ABCE1: variants seen among roughly 807,000 people sequenced by gnomAD.
ABCE1 encodes the protein ATP-binding cassette sub-family E member 1.
ABCE1 carries 22 observed loss-of-function variants against 83.4 expected under a neutral mutation model. The observed-to-expected ratio is 0.26, with a 90% CI of 0.19 to 0.38. ABCE1 has a LOEUF of 0.38. ABCE1 is among the 10% of genes least tolerant of loss of function. The pLI is 1.00. For missense variants in ABCE1, 330 were observed against 721.9 expected (o/e 0.46, Z 6.22); for synonymous variants, 204 against 233.7 (o/e 0.87, Z 1.16).
At chr4:145,116,016 A>G (rs1292791915) in intron 9 of ABCE1, among the ~76,000 whole-genome samples, 1 of 151,972 alleles carries the variant, frequency 6.6e-6, no homozygotes, top group Non-Finnish European at 1.5e-5. Flanking sequence ...GCTCATTTGC[A>G]TATTAGGAAA....
chr4:145,110,544 C>G, intron 7 of ABCE1, 100 bp downstream of exon 7: 1 of 1,124,438 alleles, frequency 8.9e-7, no homozygotes, highest in Middle Eastern at 2.9e-4. Flanking sequence ...GATGCAACCT[C>G]TGCTTACCAC....
Position 145,110,362 on chromosome 4 carries a change from T to G in ABCE1, c.544-13T>G. ...GAAAGAAAATAGTAACTGTTTTTGG[T>G]ATATTGTGGCAGGGGACAGTGGGAT... On this transcript the variant is annotated splice_polypyrimidine_tract_variant and intron_variant, in intron 6 of 17. Coordinates refer to ENST00000296577, the MANE Select transcript of ABCE1 (RefSeq NM_002940.3). 6.2e-7 allele frequency: 1 copy of G among 1,611,510 alleles called. No homozygotes were observed. Among genetic ancestry groups the G allele is most frequent in the Non-Finnish European group, 8.5e-7 (1 of 1,179,228 alleles).
Position 145,109,197 on chromosome 4 carries a change from C to G in ABCE1, c.353C>G (p.Thr118Ser). Reference protein sequence around the residue: ...LVGTNGIGKSTALKILAGKQK... With the variant: ...LVGTNGIGKSSALKILAGKQK... ...GGAACTAATGGTATTGGAAAGTCAACTGCTTTAAAAATTTTAGCAGGAAAA... is the reference window on the plus strand; with the variant it reads ...GGAACTAATGGTATTGGAAAGTCAAGTGCTTTAAAAATTTTAGCAGGAAAA... Residue 118 changes from threonine (T) to serine (S), a missense_variant, in exon 5 of 18, where the codon ACT becomes AGT. Thr to Ser is a moderately conservative substitution (Grantham distance 58, BLOSUM62 1). Transcript: ENST00000296577. 6.2e-7 allele frequency: 1 copy of G among 1,612,942 alleles called. No homozygotes were observed. Among genetic ancestry groups the G allele is most frequent in the Admixed American group, 1.7e-5 (1 of 59,818 alleles).
intron 2 of ABCE1, among the ~76,000 whole-genome samples, chr4:145,105,014 A>G (rs1749258284): frequency 6.6e-6 from 1 of 152,074 alleles, no homozygotes; most frequent in South Asian, 2.1e-4. Flanking sequence ...GTTAAGGGCT[A>G]TGTTAAGTAA....
At position 145,110,967 on chromosome 4, in the gene ABCE1, G is replaced by C; in HGVS notation, c.614-1G>C. 1 of 1,605,574 alleles carries C rather than the reference G, an allele frequency of 6.2e-7. No individual in the cohort carries two copies. On this transcript the variant is annotated splice_acceptor_variant, in intron 7 of 17. Transcript: ENST00000296577. LOFTEE classifies it high-confidence loss of function. ...GCACAATGCCTCTATGTTCTTTGTAGATTTAACCCACCTAAAAGAACGAAA... is the reference window on the plus strand; with the variant it reads ...GCACAATGCCTCTATGTTCTTTGTACATTTAACCCACCTAAAAGAACGAAA...
At chr4:145,114,599 G>C (rs1175232468) in intron 9 of ABCE1, among the ~76,000 whole-genome samples, 2 of 151,742 alleles carry the variant, frequency 1.3e-5, no homozygotes, top group Non-Finnish European at 2.9e-5. Flanking sequence ...AAAATTAAAA[G>C]ATCAGTAACT....
At chr4:145,125,238 C>G in intron 17 of ABCE1, 137 bp downstream of exon 17, 1 of 576,264 alleles carries the variant, frequency 1.7e-6, no homozygotes, top group Non-Finnish European at 3.0e-6. Flanking sequence ...GAGGCCAAGG[C>G]AGGCAGATCA....
At chr4:145,100,349 T>C (rs951650212) in intron 1 of ABCE1, among the ~76,000 whole-genome samples, 9 of 152,232 alleles carry the variant, frequency 5.9e-5, no homozygotes, top group African/African-American at 2.2e-4. Context: ...TCCCTGTGTC[T>C]TTTTAAAAAA....
intron 3 of ABCE1, among the ~76,000 whole-genome samples, chr4:145,106,165 T>G (rs1203754816): frequency 6.6e-6 from 1 of 152,020 alleles, no homozygotes. Context: ...TTGAATAGTT[T>G]GATTAGGCTT....
At chr4:145,118,833 A>G (rs1317519337) in intron 10 of ABCE1, among the ~76,000 whole-genome samples, 4 of 151,900 alleles carry the variant, frequency 2.6e-5, no homozygotes, top group African/African-American at 7.2e-5. Flanking sequence ...GTTTGAACTC[A>G]TTTTTAAATT....
chr4:145,126,455 G>A (rs1040580503), intron 17 of ABCE1, among the ~76,000 whole-genome samples: 7 of 151,938 alleles, frequency 4.6e-5, no homozygotes, highest in Non-Finnish European at 8.8e-5. Flanking sequence ...CACCACACCC[G>A]ACTAATTTTC....
At position 145,103,766 on chromosome 4, in the gene ABCE1, G is replaced by GTT. The variant is rs4148236; in HGVS notation, c.-27-606_-27-605dup. Among the ~76,000 whole-genome samples, 264 of 138,414 alleles carry GTT rather than the reference G, an allele frequency of 1.9e-3. 2 individuals carry two copies. The highest frequency in any genetic ancestry group is 3.8e-3 in the Middle Eastern group (1 of 266). The allele number at this position is 138,414 out of a possible 152,430, so 90.8% of individuals were successfully genotyped here. A position where few individuals can be genotyped will look rare whatever the true frequency, so the allele number is the denominator to read the frequency against. On this transcript the variant is annotated intron_variant, in intron 1 of 17. Coordinates refer to ENST00000296577, the MANE Select transcript of ABCE1 (RefSeq NM_002940.3). ...ATTTGCTTTGTCTGGGTTGGTTGGG[G>GTT]TTTTTTTTTTTTTTTGAGACTGGGT... is the stretch of plus-strand genomic sequence containing the variant.
intron 1 of ABCE1, among the ~76,000 whole-genome samples, chr4:145,099,376 G>T (rs988867292): frequency 6.6e-6 from 1 of 152,136 alleles, no homozygotes; most frequent in Admixed American, 6.5e-5. Context: ...CATTTATGTT[G>T]CAGTAGTTTG....
intron 9 of ABCE1, among the ~76,000 whole-genome samples, chr4:145,114,019 G>A (rs796629560): frequency 5.9e-5 from 9 of 152,270 alleles, no homozygotes; most frequent in African/African-American, 1.9e-4. Context: ...GTTCAGAATT[G>A]ATGAAAAATT....
Position 145,121,399 on chromosome 4 carries a change from A to G in ABCE1, c.1263+8A>G, listed in dbSNP as rs201344982. ...ATTAGTCCCAAATCAACTGTGAGTTATTATTTTTTATATGGTTACTAAAGA... is the reference window on the plus strand; with the variant it reads ...ATTAGTCCCAAATCAACTGTGAGTTGTTATTTTTTATATGGTTACTAAAGA... On this transcript the variant is annotated splice_region_variant and intron_variant, in intron 13 of 17. Coordinates refer to ENST00000296577, the MANE Select transcript of ABCE1 (RefSeq NM_002940.3). 6.8e-5 allele frequency: 109 copies of G among 1,602,414 alleles called. 1 individual carries two copies. The Middle Eastern group carries it at 1.0e-3, about 15-fold the overall frequency.
chr4:145,107,386 G>A (rs761420841), intron 3 of ABCE1, among the ~76,000 whole-genome samples: 65 of 152,094 alleles, frequency 4.3e-4, no homozygotes, highest in Non-Finnish European at 7.4e-4. Context: ...AGGAAACAGA[G>A]GGAGAACATC....
chr4:145,125,152 A>T, intron 17 of ABCE1, 51 bp downstream of exon 17: 1 of 1,281,246 alleles, frequency 7.8e-7, no homozygotes, highest in Non-Finnish European at 1.1e-6. Flanking sequence ...CAGTATAAAC[A>T]CTTGAAAGGC....
At chr4:145,112,029 G>A (rs1000425532) in intron 8 of ABCE1, among the ~76,000 whole-genome samples, 3 of 152,138 alleles carry the variant, frequency 2.0e-5, no homozygotes, top group Non-Finnish European at 2.9e-5. Flanking sequence ...CAGACCTGGT[G>A]TGTAATCTTG....
intron 8 of ABCE1, among the ~76,000 whole-genome samples, chr4:145,111,838 C>T (rs538806511): frequency 5.9e-5 from 9 of 152,212 alleles, no homozygotes; most frequent in Admixed American, 2.6e-4. Context: ...CCCTGTTGTC[C>T]GGTGAAGGCT....
Sources: allele counts gnomAD v4.1 joint callset (sites outside exome capture counted in the v4.1 genomes callset), GRCh38; gene constraint gnomAD v4.1.1; transcripts MANE v1.5; gene names NCBI Gene and HGNC (gene_info 2026-07-23, HGNC 2026-07-21).